The following CCZ1 variants were observed in gnomAD, a reference collection of about 807,000 sequenced individuals.
CCZ1 encodes the protein CCZ1 vacuolar protein trafficking and biogenesis associated, also known as vacuolar fusion protein CCZ1 homolog.
Under a neutral mutation model 57.8 loss-of-function variants are expected in CCZ1, and 19 were observed. The observed-to-expected ratio is 0.33, with a 90% confidence interval of 0.23 to 0.48. The LOEUF (loss-of-function observed/expected upper bound fraction) is 0.48, where lower values mean the gene tolerates loss of function less well. CCZ1 is among the 20% of genes least tolerant of loss of function. CCZ1 has a pLI of 0.99. For missense variants in CCZ1, 200 were observed against 492.0 expected, an observed-to-expected ratio of 0.41 and a Z score of 5.61; for synonymous variants, 81 against 167.0, an observed-to-expected ratio of 0.49 and a Z score of 3.97.
At chr7:5,902,962 T>G (rs534719022) in intron 6 of CCZ1, among the ~76,000 whole-genome samples, 1 of 148,744 alleles carries the variant, frequency 6.7e-6, no homozygotes, top group East Asian at 2.3e-4. Context: ...CAGAGCTTCC[T>G]GCGTTTGCCC....
chr7:5,925,473 A>G (rs1461933828), intron 14 of CCZ1, 159 bp from the exon 15 acceptor site: 1 of 511,072 alleles, frequency 2.0e-6, no homozygotes, highest in Non-Finnish European at 3.1e-6. Flanking sequence ...TCTCAAACAA[A>G]AAAAAAAAAA....
chr7:5,905,104 C>T lies in CCZ1; in HGVS notation c.533C>T (p.Thr178Met), dbSNP rs772144601. ...LEKFFHRYLQ[T>M]LHLQSCDLLD... ...TTTTTTTTCCCACAGTATTTGCAAA[C>T]GCTACATTTGCAGTCATGTGACCTA... Residue 178 changes from threonine (T) to methionine (M), a missense_variant, in exon 7 of 15, where the codon ACG (threonine) becomes ATG (methionine). Physicochemically the swap from Thr to Met is moderately conservative, Grantham distance 81 (BLOSUM62 -1). Transcript: ENST00000325974. The T allele has an allele frequency of 7.2e-5, 115 of 1,598,910 alleles. 4 individuals carry two copies. The highest frequency in any genetic ancestry group is 5.4e-4 in the South Asian group (48 of 88,542).
chr7:5,905,061 A>G, intron 6 of CCZ1, 33 bp from the exon 7 acceptor site: 1 of 1,589,404 alleles, frequency 6.3e-7, no homozygotes, highest in Admixed American at 1.7e-5. Context: ...GTGTACTATT[A>G]GTAAATTTTA....
At chr7:5,903,042 C>G (rs1781721250) in intron 6 of CCZ1, among the ~76,000 whole-genome samples, 1 of 148,256 alleles carries the variant, frequency 6.7e-6, no homozygotes, top group Non-Finnish European at 1.5e-5. Context: ...TCCTTCTGGG[C>G]TTACTCAGCA....
chr7:5,905,324 G>A, intron 7 of CCZ1, 55 bp downstream of exon 7: 2 of 1,024,274 alleles, frequency 2.0e-6, no homozygotes, highest in South Asian at 3.5e-5. Context: ...AATAAAAACA[G>A]CAGTGACTGG....
chr7:5,900,219 G>C, intron 1 of CCZ1, 65 bp from the exon 2 acceptor site: 1 of 1,389,998 alleles, frequency 7.2e-7, no homozygotes, highest in Non-Finnish European at 9.6e-7. Flanking sequence ...ATTGAACTTA[G>C]CGTTTTCAAT....
chr7:5,902,886 A>G, intron 6 of CCZ1, 142 bp downstream of exon 6: 1 of 1,094,324 alleles, frequency 9.1e-7, no homozygotes, highest in Non-Finnish European at 1.2e-6. Flanking sequence ...CCGTCGCAAA[A>G]CTGGAGCAGC....
intron 9 of CCZ1, 116 bp from the exon 10 acceptor site, chr7:5,912,727 A>G (rs1779064426): frequency 2.4e-6 from 3 of 1,228,750 alleles, no homozygotes; most frequent in South Asian, 2.4e-5. Flanking sequence ...TGTTTGCCAA[A>G]TAGCACCTGG....
chr7:5,900,059 C>G (rs1781647913), intron 1 of CCZ1, among the ~76,000 whole-genome samples: 1 of 150,980 alleles, frequency 6.6e-6, no homozygotes, highest in Non-Finnish European at 1.5e-5. Flanking sequence ...ATAGAGACGT[C>G]TCACTGTGTT....
chr7:5,908,410 G>T (rs1378972222), intron 7 of CCZ1, among the ~76,000 whole-genome samples: 2 of 147,154 alleles, frequency 1.4e-5, no homozygotes, highest in African/African-American at 2.5e-5. Context: ...AGTCTCATTG[G>T]CTTGGTTGCC....
chr7:5,901,591 C>T (rs1781687037), intron 4 of CCZ1, 66 bp from the exon 5 acceptor site: 1 of 1,523,728 alleles, frequency 6.6e-7, no homozygotes, highest in Non-Finnish European at 8.8e-7. Flanking sequence ...TGTACCTTTG[C>T]CATCTATCCA....
In CCZ1 at chr7:5,913,836, C is replaced by T. The variant is rs1458722050; in HGVS notation, c.954+882C>T. ...TTGCACAGACAGGCCCACAGCTGAG[C>T]ATCCATCCCTGGGTGACAATCGAGG... On this transcript the variant is annotated intron_variant, in intron 10 of 14. Coordinates refer to ENST00000325974, the MANE Select transcript of CCZ1 (RefSeq NM_015622.6). 5.9e-5 allele frequency among the ~76,000 whole-genome samples: 7 copies of T among 118,424 alleles called. 1 individual carries two copies. The East Asian group carries it at 2.5e-3, about 42-fold the overall frequency. The allele number at this position is 118,424 out of a possible 152,430, so 77.7% of individuals were successfully genotyped here. A position where few individuals can be genotyped will look rare whatever the true frequency, so the allele number is the denominator to read the frequency against.
In CCZ1 at chr7:5,899,334, G is replaced by GTGTGT. The variant is rs1562536429; in HGVS notation, c.120+415_120+416insTGTGT. Reference sequence around the variant, plus strand: ...GGAAATAAATTAATTTCGGGAGGGGGGTGTGTGTGTGTGTGTGTGTGTGTG... The same window carrying GTGTGT: ...GGAAATAAATTAATTTCGGGAGGGGGTGTGTGTGTGTGTGTGTGTGTGTGTGTGTG... On this transcript the variant is annotated intron_variant, in intron 1 of 14. Coordinates refer to ENST00000325974, the MANE Select transcript of CCZ1 (RefSeq NM_015622.6). Among the ~76,000 whole-genome samples, 94 of 12,546 alleles carry GTGTGT rather than the reference G, an allele frequency of 7.5e-3. 1 individual carries two copies. Among genetic ancestry groups the GTGTGT allele is most frequent in the Middle Eastern group, 0.056 (1 of 18 alleles). 8.2% of individuals were successfully genotyped at this position (12,546 alleles called of 152,430 possible).
chr7:5,902,598 G>A (rs545029468), intron 5 of CCZ1, 63 bp from the exon 6 acceptor site: 4 of 1,521,584 alleles, frequency 2.6e-6, no homozygotes, highest in Admixed American at 2.2e-5. Context: ...AAAAGAACTT[G>A]TTATACTGAA....
chr7:5,918,385 G>T, intron 10 of CCZ1: 1 of 159,868 alleles, frequency 6.3e-6, no homozygotes, highest in Non-Finnish European at 1.4e-5. Flanking sequence ...AATAAAGTGA[G>T]ACAGGATGAT....
intron 1 of CCZ1, among the ~76,000 whole-genome samples, chr7:5,899,627 C>T (rs1464933500): frequency 7.2e-6 from 1 of 138,962 alleles, no homozygotes; most frequent in Non-Finnish European, 1.5e-5. Context: ...GTGAGCCGGG[C>T]GTGGTGGCAC....
chr7:5,910,214 C>A, intron 8 of CCZ1, 98 bp downstream of exon 8: 5 of 1,035,930 alleles, frequency 4.8e-6, no homozygotes, highest in Non-Finnish European at 7.3e-6. Flanking sequence ...CTGATCGTTT[C>A]TGATGTATGT....
intron 7 of CCZ1, among the ~76,000 whole-genome samples, chr7:5,908,931 G>A (rs1268529356): frequency 6.8e-6 from 1 of 147,346 alleles, no homozygotes; most frequent in South Asian, 2.3e-4. Context: ...CTAGGATCAC[G>A]TTCCCTGTCT....
intron 7 of CCZ1, among the ~76,000 whole-genome samples, chr7:5,909,064 A>G (rs1781902307): frequency 1.4e-5 from 2 of 145,966 alleles, no homozygotes; most frequent in South Asian, 4.6e-4. Context: ...TTTCCTGCAT[A>G]ATCCTACACG....
Sources: allele counts gnomAD v4.1 joint callset (sites outside exome capture counted in the v4.1 genomes callset), GRCh38; gene constraint gnomAD v4.1.1; transcripts MANE v1.5; gene names NCBI Gene and HGNC (gene_info 2026-07-23, HGNC 2026-07-21).